Variants in PTPRD observed in about 807,000 individuals in gnomAD.
PTPRD encodes the protein protein tyrosine phosphatase receptor type D, also known as receptor-type tyrosine-protein phosphatase delta.
In PTPRD, 34 loss-of-function variants were observed where a neutral mutation model predicts 214.5. The ratio of observed to expected loss-of-function variants is 0.16; its 90% CI spans 0.12 to 0.21. The LOEUF (loss-of-function observed/expected upper bound fraction) is 0.21. PTPRD is among the 10% of genes least tolerant of loss of function. PTPRD has a pLI of 1.00. For missense variants in PTPRD, 2,545 were observed against 2,398.7 expected, an observed-to-expected ratio of 1.06 and a Z score of -1.27; for synonymous variants, 1,128 against 845.7, an observed-to-expected ratio of 1.33 and a Z score of -5.79.
chr9:9,232,108 T>A (rs1295483646), intron 9 of PTPRD, among the ~76,000 whole-genome samples: 1 of 152,188 alleles, frequency 6.6e-6, no homozygotes, highest in Non-Finnish European at 1.5e-5. Context: ...CAAAAGTTGC[T>A]GTGTAGAATA....
chr9:8,581,517 G>C (rs1481025706), intron 14 of PTPRD, among the ~76,000 whole-genome samples: 2 of 152,130 alleles, frequency 1.3e-5, no homozygotes, highest in Non-Finnish European at 2.9e-5. Flanking sequence ...GGGAGGCCGA[G>C]GTGGGCGGAT....
At chr9:9,816,879 AC>A (rs1241161777) in intron 5 of PTPRD, among the ~76,000 whole-genome samples, 2 of 116,240 alleles carry the variant, frequency 1.7e-5, no homozygotes, top group African/African-American at 1.0e-4. Context: ...TAAGGTGAGA[AC>A]AAAAATCACA....
intron 5 of PTPRD, among the ~76,000 whole-genome samples, chr9:9,797,666 T>C (rs531253121): frequency 2.6e-5 from 4 of 152,012 alleles, no homozygotes; most frequent in African/African-American, 4.8e-5. Flanking sequence ...ACCAATATGG[T>C]GAAACCCTGT....
At position 8,506,074 on chromosome 9, in the gene PTPRD, G is replaced by A. The variant is rs138363320; in HGVS notation, c.1677+1227C>T. Among the ~76,000 whole-genome samples, 24 of 152,260 alleles carry A rather than the reference G, an allele frequency of 1.6e-4. 1 individual carries two copies. The East Asian group carries it at 4.6e-3, about 29-fold the overall frequency. ...CTGCATTTAAAACCTATTCTTTTGAGATTCTGCTCAATTCAAACAGATGGA... is the reference window on the plus strand; with the variant it reads ...CTGCATTTAAAACCTATTCTTTTGAAATTCTGCTCAATTCAAACAGATGGA... On this transcript the variant is annotated intron_variant, in intron 22 of 45. Transcript: ENST00000381196.
chr9:10,117,305 T>C (rs944189789), intron 3 of PTPRD, among the ~76,000 whole-genome samples: 1 of 152,132 alleles, frequency 6.6e-6, no homozygotes, highest in Non-Finnish European at 1.5e-5. Context: ...AGACAGAAAG[T>C]TGATGTTATT....
chr9:9,376,183 C>T (rs762550320), intron 9 of PTPRD, among the ~76,000 whole-genome samples: 2 of 151,968 alleles, frequency 1.3e-5, no homozygotes, highest in African/African-American at 4.8e-5. Flanking sequence ...AGTGTATGGG[C>T]TTGAAAAAAG....
chr9:8,327,478 G>A (rs1446752580), intron 44 of PTPRD, among the ~76,000 whole-genome samples: 1 of 152,132 alleles, frequency 6.6e-6, no homozygotes, highest in African/African-American at 2.4e-5. Context: ...TAGAATAAGT[G>A]CAATTTGGTG....
chr9:9,438,255 T>C (rs2086118193), intron 8 of PTPRD, among the ~76,000 whole-genome samples: 1 of 152,122 alleles, frequency 6.6e-6, no homozygotes, highest in Non-Finnish European at 1.5e-5. Flanking sequence ...CAAGTCAACC[T>C]ATAGCCAGTG....
At chr9:9,443,605 G>T (rs1211679642) in intron 8 of PTPRD, among the ~76,000 whole-genome samples, 2 of 152,164 alleles carry the variant, frequency 1.3e-5, no homozygotes, top group Non-Finnish European at 2.9e-5. Flanking sequence ...CTACTTGTCA[G>T]AAAGATCGCT....
At chr9:10,029,143 C>A (rs1248855491) in intron 4 of PTPRD, among the ~76,000 whole-genome samples, 1 of 152,192 alleles carries the variant, frequency 6.6e-6, no homozygotes, top group Non-Finnish European at 1.5e-5. Context: ...AAGTCAAGAA[C>A]TGGAGTTTGG....
intron 3 of PTPRD, among the ~76,000 whole-genome samples, chr9:10,065,452 T>A (rs1021935093): frequency 5.9e-5 from 9 of 151,870 alleles, no homozygotes; most frequent in African/African-American, 1.9e-4. Flanking sequence ...GGCTTTTTTT[T>A]TATTTTTTTT....
intron 11 of PTPRD, among the ~76,000 whole-genome samples, chr9:8,826,784 C>T (rs2097184490): frequency 1.3e-5 from 2 of 152,032 alleles, no homozygotes; most frequent in Admixed American, 6.6e-5. Context: ...TGATGCCTGA[C>T]AAACAGAAGA....
chr9:10,351,793 G>A (rs903198051), intron 2 of PTPRD, among the ~76,000 whole-genome samples: 1 of 151,482 alleles, frequency 6.6e-6, no homozygotes, highest in Non-Finnish European at 1.5e-5. Flanking sequence ...ATTTGAAAAC[G>A]CAGGAAAATG....
At chr9:9,072,692 T>C (rs565861827) in intron 10 of PTPRD, among the ~76,000 whole-genome samples, 68 of 152,328 alleles carry the variant, frequency 4.5e-4, no homozygotes, top group African/African-American at 1.6e-3. Flanking sequence ...ATTACTATGA[T>C]AATCGTCATT....
At chr9:9,447,229 A>T (rs1304763014) in intron 8 of PTPRD, among the ~76,000 whole-genome samples, 2 of 152,170 alleles carry the variant, frequency 1.3e-5, no homozygotes, top group Non-Finnish European at 1.5e-5. Flanking sequence ...TGTTCACTGC[A>T]TCACTATTCA....
chr9:9,512,614 A>G (rs2096736721), intron 8 of PTPRD, among the ~76,000 whole-genome samples: 1 of 151,862 alleles, frequency 6.6e-6, no homozygotes, highest in Non-Finnish European at 1.5e-5. Context: ...GTATACAATG[A>G]CAATAAAAAT....
At chr9:9,370,259 C>T (rs12238171) in intron 9 of PTPRD, among the ~76,000 whole-genome samples, 26,825 of 151,888 alleles carry the variant, frequency 0.18, 2,622 homozygotes, top group East Asian at 0.33. Flanking sequence ...AATGTTCTTC[C>T]ATTTGTTTGT....
intron 14 of PTPRD, among the ~76,000 whole-genome samples, chr9:8,576,903 A>G (rs996859398): frequency 7.2e-5 from 11 of 152,170 alleles, no homozygotes; most frequent in South Asian, 4.1e-4. Context: ...GTTACTGTGT[A>G]TCTCTTCTTG....
chr9:8,333,506 A>G (rs1843484477), intron 43 of PTPRD, among the ~76,000 whole-genome samples: 1 of 152,226 alleles, frequency 6.6e-6, no homozygotes, highest in East Asian at 1.9e-4. Flanking sequence ...GCAAATGCTG[A>G]GAGATTATGT....
Sources: allele counts gnomAD v4.1 joint callset (sites outside exome capture counted in the v4.1 genomes callset), GRCh38; gene constraint gnomAD v4.1.1; transcripts MANE v1.5; gene names NCBI Gene and HGNC (gene_info 2026-07-23, HGNC 2026-07-21).